The following B4GALT6 variants were observed in gnomAD, a reference collection of about 807,000 sequenced individuals.
The protein encoded by B4GALT6 is UDP-Gal:beta-GlcNAc beta-1,4-galactosyltransferase 6.
A neutral mutation model predicts 46.3 loss-of-function variants in B4GALT6; 14 were observed. That is an observed-to-expected ratio of 0.30 (90% CI 0.20 to 0.47). B4GALT6 has a LOEUF of 0.47. Ranked by LOEUF, B4GALT6 falls within the 20% of genes least tolerant of loss-of-function variation. B4GALT6 has a pLI of 0.99. For synonymous variants in B4GALT6, 168 were observed against 162.0 expected, an observed-to-expected ratio of 1.04 and a Z score of -0.28; for missense variants, 386 against 480.1, an observed-to-expected ratio of 0.80 and a Z score of 1.83.
the B4GALT6 span, chr18:31,724,540 CGACTGA>C: frequency 9.8e-7 from 1 of 1,020,210 alleles, no homozygotes; most frequent in Non-Finnish European, 1.2e-6. Context: ...CTTCAGGAAT[CGACTGA>C]GACTTTGGCT....
At chr18:31,667,991 G>A (rs1043091369) in intron 1 of B4GALT6, among the ~76,000 whole-genome samples, 4 of 151,982 alleles carry the variant, frequency 2.6e-5, no homozygotes, top group African/African-American at 7.3e-5. Flanking sequence ...CAGCTACTCA[G>A]GAGGCTGAGG....
chr18:31,649,488 T>A (rs919656325), intron 3 of B4GALT6, among the ~76,000 whole-genome samples: 1 of 150,564 alleles, frequency 6.6e-6, no homozygotes, highest in Non-Finnish European at 1.5e-5. Flanking sequence ...TATGCAAAAC[T>A]GTGCATACAA....
chr18:31,678,521 G>T (rs752286439), intron 1 of B4GALT6, among the ~76,000 whole-genome samples: 1 of 152,140 alleles, frequency 6.6e-6, no homozygotes, highest in Non-Finnish European at 1.5e-5. Context: ...CTTCAACTCG[G>T]GCACAGTAGA....
intron 2 of B4GALT6, among the ~76,000 whole-genome samples, chr18:31,661,278 C>T (rs1309018629): frequency 6.6e-6 from 1 of 152,012 alleles, no homozygotes. Flanking sequence ...GTCTTTCTTC[C>T]ATAACAAGAG....
At chr18:31,631,216 CT>C (rs1306858787) in intron 5 of B4GALT6, 70 bp from the exon 6 acceptor site, 17 of 909,972 alleles carry the variant, frequency 1.9e-5, no homozygotes, top group Non-Finnish European at 2.1e-5. Context: ...TTTTTTTTTT[CT>C]TTTTTTTGGT....
In B4GALT6 at chr18:31,639,296, G is replaced by A. The variant is rs140780260; in HGVS notation, c.472-536C>T. Among the ~76,000 whole-genome samples the A allele has an allele frequency of 4.4e-3, 672 of 152,266 alleles. 8 individuals carry two copies. The highest frequency in any genetic ancestry group is 0.015 in the African/African-American group (606 of 41,568). On this transcript the variant is annotated intron_variant, in intron 4 of 8. Transcript: ENST00000306851. Reference sequence around the variant, plus strand: ...GAATGTATCATAAGAGTAACGTCTCGGTTTTAGAGTAGATCCTAAATAATA... The same window carrying A: ...GAATGTATCATAAGAGTAACGTCTCAGTTTTAGAGTAGATCCTAAATAATA...
In B4GALT6 at chr18:31,684,342, G is replaced by T; in HGVS notation, c.85C>A (p.Leu29Met). 2 of 1,613,806 alleles carry T rather than the reference G, an allele frequency of 1.2e-6. No homozygotes were observed. Among genetic ancestry groups the T allele is most frequent in the Non-Finnish European group, 1.7e-6 (2 of 1,179,904 alleles). The change falls in exon 1 of 9, where the codon CTG (leucine) becomes ATG (methionine). Residue 29 changes from leucine to methionine, a missense_variant. By Grantham distance (15) the Leu-to-Met change is conservative. This residue lies in a region of B4GALT6 where 63 missense variants were observed against 41.3 expected (regional missense o/e 1.53). Transcript: ENST00000306851. The part of the protein sequence containing the change: ...IFFFSLSSSC[L>M]YFIYVAPGIA... ...CCTGGGGCCACATAGATGAAGTACAGACAGGACGAAGAGAGGGAGAAGAAG... is the reference window on the plus strand; with the variant it reads ...CCTGGGGCCACATAGATGAAGTACATACAGGACGAAGAGAGGGAGAAGAAG...
At chr18:31,667,841 C>T (rs912829951) in intron 1 of B4GALT6, among the ~76,000 whole-genome samples, 3 of 152,130 alleles carry the variant, frequency 2.0e-5, no homozygotes, top group Admixed American at 1.3e-4. Flanking sequence ...TGAAGACTCA[C>T]GCCTGTAATT....
chr18:31,632,131 A>T (rs1017483317), intron 5 of B4GALT6, among the ~76,000 whole-genome samples: 9 of 152,250 alleles, frequency 5.9e-5, no homozygotes, highest in East Asian at 3.9e-4. Context: ...AAAATATATT[A>T]AAAAAAGGAT....
Position 31,626,314 on chromosome 18 carries a change from G to C in B4GALT6, c.970C>G (p.His324Asp). The change falls in exon 8 of 9, where the codon CAC becomes GAC. Residue 324 changes from histidine to aspartate, a missense_variant. Around this residue, in one of 2 missense-constraint regions of B4GALT6, gnomAD observed 323 missense variants for 438.9 expected, o/e 0.74. Transcript: ENST00000306851. ...DLGKYKSIPH[H>D]HRGEVQFLGR... is the part of the protein sequence containing the mutation. Reference sequence around the variant, plus strand: ...AAAAACTGGACTTCACCTCTATGGTGATGAGGAATTGACTTGTATTTTCCT... The same window carrying C: ...AAAAACTGGACTTCACCTCTATGGTCATGAGGAATTGACTTGTATTTTCCT... The C allele has an allele frequency of 2.5e-6, 4 of 1,606,738 alleles. No homozygotes were observed. Among genetic ancestry groups the C allele is most frequent in the Non-Finnish European group, 3.4e-6 (4 of 1,175,102 alleles).
chr18:31,699,368 G>A, the B4GALT6 span, among the ~76,000 whole-genome samples: 2 of 151,194 alleles, frequency 1.3e-5, no homozygotes, highest in African/African-American at 4.9e-5. Flanking sequence ...CACCTCCTGG[G>A]TTCAAGCGAT....
At position 31,624,421 on chromosome 18, in the gene B4GALT6, A is replaced by G. The variant is rs1050196278; in HGVS notation, c.*1193T>C. On this transcript the variant is annotated 3_prime_UTR_variant, in exon 9 of 9. Transcript: ENST00000306851. ...GAGATATAATCTCTTAAAAGTGAAA[A>G]AAACAAAATATAGTTTGAATGAAAC... 6.6e-6 allele frequency: 1 copy of G among 152,052 alleles called. No homozygotes were observed. Among genetic ancestry groups the G allele is most frequent in the African/African-American group, 2.4e-5 (1 of 41,436 alleles). The allele number at this position is 152,052 out of a possible 1,614,324, so 9.4% of individuals were successfully genotyped here.
At chr18:31,660,801 A>G (rs1223931973) in intron 2 of B4GALT6, among the ~76,000 whole-genome samples, 1 of 152,190 alleles carries the variant, frequency 6.6e-6, no homozygotes. Context: ...GATATTCCAT[A>G]CTGATAGGAC....
intron 5 of B4GALT6, among the ~76,000 whole-genome samples, chr18:31,631,757 T>G (rs540973821): frequency 5.9e-5 from 9 of 152,322 alleles, no homozygotes; most frequent in Admixed American, 1.3e-4. Context: ...GAGGTCTAAC[T>G]TTCTATTATT....
chr18:31,628,057 G>A (rs1234297028), intron 6 of B4GALT6, among the ~76,000 whole-genome samples: 1 of 152,238 alleles, frequency 6.6e-6, no homozygotes, highest in Non-Finnish European at 1.5e-5. Flanking sequence ...TGAGAAGGAC[G>A]TGCTGTTTGC....
intron 1 of B4GALT6, among the ~76,000 whole-genome samples, chr18:31,681,630 C>G (rs573643400): frequency 3.0e-4 from 45 of 152,144 alleles, no homozygotes; most frequent in Non-Finnish European, 5.4e-4. Flanking sequence ...AAACAGATTA[C>G]GCTGCCTACA....
At chr18:31,649,146 C>T (rs1349921981) in intron 3 of B4GALT6, among the ~76,000 whole-genome samples, 1 of 152,200 alleles carries the variant, frequency 6.6e-6, no homozygotes, top group Non-Finnish European at 1.5e-5. Flanking sequence ...TATGAGTCAT[C>T]CAGCCATTGG....
At chr18:31,673,785 A>G (rs1353662919) in intron 1 of B4GALT6, among the ~76,000 whole-genome samples, 5 of 152,182 alleles carry the variant, frequency 3.3e-5, no homozygotes, top group Non-Finnish European at 7.3e-5. Flanking sequence ...TGAATGTGAC[A>G]CTCAGAAAGG....
At chr18:31,701,125 A>G in the B4GALT6 span, among the ~76,000 whole-genome samples, 19 of 152,314 alleles carry the variant, frequency 1.2e-4, no homozygotes, top group African/African-American at 4.6e-4. Context: ...GTTGAATCGT[A>G]ATCCCCAATG....
Sources: gnomAD v4.1 joint callset for allele counts (sites outside exome capture counted in the v4.1 genomes callset) on GRCh38, gnomAD v4.1.1 for gene constraint, gnomAD v4.1.1 regional missense constraint, MANE v1.5 for transcripts, NCBI Gene and HGNC (gene_info 2026-07-23, HGNC 2026-07-21) for gene names.